Variants in NTN1 observed in about 807,000 individuals in gnomAD.
The protein encoded by NTN1 is netrin 1, also known as netrin-1.
In NTN1, 11 loss-of-function variants were observed where a neutral mutation model predicts 54.2. The observed-to-expected ratio is 0.20, with a 90% CI of 0.13 to 0.34. The LOEUF (loss-of-function observed/expected upper bound fraction) is 0.34, where lower values mean the gene tolerates loss of function less well. Among genes scored for constraint, NTN1 ranks in the 10% least tolerant of loss-of-function variants. NTN1 has a pLI of 1.00. For synonymous variants in NTN1, 371 were observed against 382.0 expected (o/e 0.97, Z 0.33); for missense variants, 740 against 893.1 (o/e 0.83, Z 2.18).
At chr17:9,023,430 G>A in intron 2 of NTN1, 39 bp downstream of exon 2, 1 of 1,343,940 alleles carries the variant, frequency 7.4e-7, no homozygotes, top group South Asian at 1.9e-5. Flanking sequence ...GGCGGGTGGG[G>A]CCGCGGGCGG....
intron 2 of NTN1, among the ~76,000 whole-genome samples, chr17:9,154,544 G>C (rs1270998130): frequency 6.6e-6 from 1 of 152,194 alleles, no homozygotes; most frequent in African/African-American, 2.4e-5. Flanking sequence ...GGAGCCCTTT[G>C]AGAGGTTGGC....
rs1351003493 is a variant in NTN1, at chr17:9,035,193, G to T, written c.1018+11802G>T. 3.9e-5 allele frequency among the ~76,000 whole-genome samples: 6 copies of T among 151,930 alleles called. No homozygotes were observed. In the South Asian group the frequency reaches 1.2e-3, roughly 32 times the overall value. ...GATCTCCTGACCTTGTGATCCGCCC[G>T]CCTCAGCCTCCCAAAGTGCTGGGAT... On this transcript the variant is annotated intron_variant, in intron 2 of 6. Coordinates refer to ENST00000173229, the MANE Select transcript of NTN1 (RefSeq NM_004822.3).
intron 6 of NTN1, among the ~76,000 whole-genome samples, chr17:9,234,270 T>A (rs930889243): frequency 6.6e-6 from 1 of 152,256 alleles, no homozygotes; most frequent in African/African-American, 2.4e-5. Flanking sequence ...AACCCCAGAA[T>A]TGCTGAGAGG....
intron 2 of NTN1, among the ~76,000 whole-genome samples, chr17:9,120,184 C>G (rs2092227729): frequency 6.6e-6 from 1 of 151,242 alleles, no homozygotes; most frequent in Non-Finnish European, 1.5e-5. Flanking sequence ...ACTCAGGAGG[C>G]TAAGGCAGGA....
At chr17:9,080,612 C>T (rs1003931658) in intron 2 of NTN1, among the ~76,000 whole-genome samples, 2 of 152,200 alleles carry the variant, frequency 1.3e-5, no homozygotes, top group Non-Finnish European at 2.9e-5. Context: ...GGCTGGCAGC[C>T]TCCAGGTAGC....
chr17:9,072,002 T>C (rs2092033414), intron 2 of NTN1, among the ~76,000 whole-genome samples: 1 of 152,174 alleles, frequency 6.6e-6, no homozygotes, highest in South Asian at 2.1e-4. Flanking sequence ...ATGCTGTAGA[T>C]GCCTTTGTGG....
chr17:9,105,985 A>G (rs75306059), intron 2 of NTN1, among the ~76,000 whole-genome samples: 7,681 of 151,964 alleles, frequency 0.051, 249 homozygotes, highest in Admixed American at 0.092. Flanking sequence ...TGGACCAGCT[A>G]CTCCCAAAGC....
intron 2 of NTN1, among the ~76,000 whole-genome samples, chr17:9,067,973 C>T (rs1384865371): frequency 6.6e-6 from 1 of 152,132 alleles, no homozygotes; most frequent in South Asian, 2.1e-4. Context: ...GTAAACCCAG[C>T]CGAGGTGGGA....
intron 2 of NTN1, among the ~76,000 whole-genome samples, chr17:9,071,761 T>C (rs1205042036): frequency 2.0e-5 from 3 of 152,250 alleles, no homozygotes; most frequent in Non-Finnish European, 4.4e-5. Context: ...TTGTTTTCCC[T>C]ACACCTTGGA....
intron 2 of NTN1, among the ~76,000 whole-genome samples, chr17:9,061,182 G>A (rs1378199992): frequency 6.6e-6 from 1 of 152,088 alleles, no homozygotes; most frequent in Non-Finnish European, 1.5e-5. Flanking sequence ...CTAGGGAGGT[G>A]GAGAAGGCCT....
intron 2 of NTN1, among the ~76,000 whole-genome samples, chr17:9,107,205 T>A (rs1445883283): frequency 1.3e-5 from 2 of 152,240 alleles, no homozygotes; most frequent in Non-Finnish European, 2.9e-5. Flanking sequence ...TTAGCTATTA[T>A]TACCATATGT....
chr17:9,003,816 G>A, the NTN1 span, among the ~76,000 whole-genome samples: 1 of 152,168 alleles, frequency 6.6e-6, no homozygotes, highest in Non-Finnish European at 1.5e-5. The surrounding 1 kb of genome is among the most constrained non-coding windows in gnomAD (Gnocchi z 7.4). Context: ...TGGGAAGAAA[G>A]GCTTTCACAG....
At chr17:9,099,533 C>T (rs2140900) in intron 2 of NTN1, among the ~76,000 whole-genome samples, 80,641 of 151,740 alleles carry the variant, frequency 0.53, 22,175 homozygotes, top group East Asian at 0.95. Flanking sequence ...TTCCTTCCTA[C>T]CTACCTATAT....
chr17:9,021,045 G>C (rs2091844582), upstream of NTN1, among the ~76,000 whole-genome samples: 1 of 152,166 alleles, frequency 6.6e-6, no homozygotes, highest in Non-Finnish European at 1.5e-5. Flanking sequence ...GTGCCACCGG[G>C]GGCCATCAGG....
intron 2 of NTN1, among the ~76,000 whole-genome samples, chr17:9,146,719 G>A (rs1007628606): frequency 9.2e-5 from 14 of 152,164 alleles, no homozygotes; most frequent in East Asian, 3.9e-4. Flanking sequence ...GATTTGGCCC[G>A]TGCTATTGGC....
intron 2 of NTN1, among the ~76,000 whole-genome samples, chr17:9,138,052 A>G (rs552363217): frequency 8.5e-5 from 13 of 152,316 alleles, no homozygotes; most frequent in Non-Finnish European, 1.6e-4. Flanking sequence ...CTGTCCCACC[A>G]TGAGGTGAGA....
intron 6 of NTN1, among the ~76,000 whole-genome samples, chr17:9,230,998 G>T (rs1405963001): frequency 4.6e-5 from 7 of 152,120 alleles, no homozygotes; most frequent in African/African-American, 1.7e-4. Flanking sequence ...TGTCCAAGGT[G>T]CCCGGAGTGT....
rs1238609940 is a variant in NTN1 at position 9,240,353 on chromosome 17, G to C, written c.*385G>C. The C allele has an allele frequency of 1.3e-5, 2 of 152,392 alleles. No individual in the cohort carries two copies. The highest frequency in any genetic ancestry group is 2.4e-5 in the African/African-American group (1 of 41,466). 9.4% of individuals were successfully genotyped at this position (152,392 alleles called of 1,614,324 possible). ...GGGCGGGCGCAGAATCGCACAACTG[G>C]GGCCCCAGGCGCGGGGCGTGGATGG... On this transcript the variant is annotated 3_prime_UTR_variant, in exon 7 of 7. Transcript: ENST00000173229.
At chr17:9,218,878 G>T (rs1366603536) in intron 5 of NTN1, among the ~76,000 whole-genome samples, 1 of 151,066 alleles carries the variant, frequency 6.6e-6, no homozygotes, top group East Asian at 1.9e-4. Flanking sequence ...CCTCCTGATT[G>T]GAAATGAAAG....
Sources: allele counts gnomAD v4.1 joint callset (sites outside exome capture counted in the v4.1 genomes callset), GRCh38; gene constraint gnomAD v4.1.1; non-coding constraint Gnocchi (gnomAD v3.1); transcripts MANE v1.5; gene names NCBI Gene and HGNC (gene_info 2026-07-23, HGNC 2026-07-21).